SLC38A9: variants seen among roughly 807,000 people sequenced by gnomAD.
SLC38A9 encodes solute carrier family 38 member 9.
A neutral mutation model predicts 62.3 loss-of-function variants in SLC38A9; 48 were observed. The ratio of observed to expected loss-of-function variants is 0.77; its 90% CI spans 0.61 to 0.98. SLC38A9 has a LOEUF of 0.98. SLC38A9 is among the 50% of genes least tolerant of loss of function. The pLI is 0.00. For synonymous variants in SLC38A9, 204 were observed against 227.7 expected, an observed-to-expected ratio of 0.90 and a Z score of 0.94; for missense variants, 541 against 679.8, an observed-to-expected ratio of 0.80 and a Z score of 2.27.
At chr5:55,697,428 C>A (rs1368360579) in intron 3 of SLC38A9, among the ~76,000 whole-genome samples, 2 of 151,974 alleles carry the variant, frequency 1.3e-5, no homozygotes, top group African/African-American at 4.8e-5. Context: ...TACAGGTATA[C>A]AATGAAATAA....
At chr5:55,649,709 C>T (rs1281723040) in intron 10 of SLC38A9, among the ~76,000 whole-genome samples, 1 of 152,110 alleles carries the variant, frequency 6.6e-6, no homozygotes, top group East Asian at 1.9e-4. Context: ...ATAATCACAG[C>T]TACTCGGGAG....
chr5:55,685,657 G>A (rs978180643), intron 3 of SLC38A9, among the ~76,000 whole-genome samples: 29 of 152,012 alleles, frequency 1.9e-4, no homozygotes, highest in Admixed American at 1.2e-3. Context: ...AGGGTTACAC[G>A]TGCAGGATGT....
chr5:55,692,403 G>C (rs1446993996), intron 3 of SLC38A9, among the ~76,000 whole-genome samples: 1 of 152,166 alleles, frequency 6.6e-6, no homozygotes, highest in Non-Finnish European at 1.5e-5. Context: ...TTTTCCCACA[G>C]TGTAGATGAG....
rs554071209 is a variant in SLC38A9 at position 55,711,446 on chromosome 5, G to A, written c.-35+6C>T. 1 of 152,350 alleles carries A rather than the reference G, an allele frequency of 6.6e-6. No individual in the cohort carries two copies. The highest frequency in any genetic ancestry group is 6.5e-5 in the Admixed American group (1 of 15,306). 9.4% of individuals were successfully genotyped at this position (152,350 alleles called of 1,614,324 possible). The stretch of plus-strand genomic sequence containing the variant: ...GTGTTGGTCGAGTTTGCCATTAAAT[G>A]GTTACCTGGTGTTGAGTAGGTTTCT... On this transcript the variant is annotated splice_donor_region_variant and intron_variant, in intron 2 of 15. Coordinates refer to ENST00000396865, the MANE Select transcript of SLC38A9 (RefSeq NM_173514.4).
chr5:55,652,531 AG>A lies in SLC38A9; in HGVS notation c.949del (p.Leu317Ter). ...SPSFFSKFNI[L>X]GTVSVLYLIF... is the part of the protein sequence containing the mutation. ...CATAATTCAGTGCTACTACTTACCT[AG>A]GATATTAAATTTTGAAAAAAATGAA... On this transcript the variant is annotated frameshift_variant, in exon 10 of 16. Transcript: ENST00000396865. LOFTEE classifies it high-confidence loss of function. 1.3e-6 allele frequency: 2 copies of A among 1,591,586 alleles called. No individual in the cohort carries two copies. The highest frequency in any genetic ancestry group is 1.7e-6 in the Non-Finnish European group (2 of 1,166,656).
intron 3 of SLC38A9, chr5:55,693,035 C>T: frequency 2.6e-5 from 26 of 981,616 alleles, no homozygotes; most frequent in Non-Finnish European, 3.1e-5. Context: ...TAGCTTAAAC[C>T]AACCATCTTT....
At chr5:55,681,114 T>G (rs1298129290) in intron 3 of SLC38A9, among the ~76,000 whole-genome samples, 1 of 152,250 alleles carries the variant, frequency 6.6e-6, no homozygotes, top group African/African-American at 2.4e-5. Context: ...ACAATCTTTC[T>G]AGAAAGCAAT....
chr5:55,700,317 G>C (rs1469502576), intron 2 of SLC38A9, among the ~76,000 whole-genome samples: 1 of 146,920 alleles, frequency 6.8e-6, no homozygotes, highest in Non-Finnish European at 1.5e-5. Flanking sequence ...CTCCAGCCTG[G>C]TTGTCACAGA....
At chr5:55,657,783 G>C (rs946613347) in intron 8 of SLC38A9, among the ~76,000 whole-genome samples, 1 of 152,230 alleles carries the variant, frequency 6.6e-6, no homozygotes, top group Middle Eastern at 3.4e-3. Flanking sequence ...AAAGGTGCTG[G>C]GTTAGGTTTT....
chr5:55,647,187 A>ATT (rs535424235), intron 11 of SLC38A9, among the ~76,000 whole-genome samples: 7 of 94,640 alleles, frequency 7.4e-5, no homozygotes, highest in Middle Eastern at 5.4e-3. Flanking sequence ...TTTATTTTTT[A>ATT]TTTTTTTTTG....
At chr5:55,687,065 G>GTTTTTTTTT (rs56912932) in intron 3 of SLC38A9, among the ~76,000 whole-genome samples, 5 of 125,716 alleles carry the variant, frequency 4.0e-5, no homozygotes, top group African/African-American at 9.5e-5. Context: ...CTCCAGCTTT[G>GTTTTTTTTT]TTTTTTTTTT....
intron 12 of SLC38A9, among the ~76,000 whole-genome samples, chr5:55,640,844 A>C (rs73125604): frequency 0.049 from 7,437 of 152,248 alleles, 311 homozygotes; most frequent in African/African-American, 0.11. Flanking sequence ...AAATATGTAT[A>C]TATATTTTTG....
At chr5:55,694,233 A>G in intron 3 of SLC38A9, 1 of 240,838 alleles carries the variant, frequency 4.2e-6, no homozygotes. Flanking sequence ...AATCACTGTC[A>G]GCAAGTGACA....
chr5:55,670,892 AT>A (rs537691969), intron 4 of SLC38A9, among the ~76,000 whole-genome samples: 44 of 152,192 alleles, frequency 2.9e-4, no homozygotes, highest in Non-Finnish European at 5.7e-4. Flanking sequence ...CGAAAAAAAA[AT>A]TGGGAAAAAA....
intron 2 of SLC38A9, chr5:55,702,964 G>GT (rs1344572958): frequency 6.6e-6 from 1 of 151,980 alleles, no homozygotes; most frequent in African/African-American, 2.4e-5. Flanking sequence ...TTAAAAAAAA[G>GT]TAAAACCAAA....
intron 2 of SLC38A9, among the ~76,000 whole-genome samples, chr5:55,698,580 T>C (rs1263479289): frequency 6.6e-6 from 1 of 152,020 alleles, no homozygotes; most frequent in Non-Finnish European, 1.5e-5. Context: ...GCAATAAGAG[T>C]AAGGTTTAAC....
chr5:55,661,098 TA>T (rs1217897208), intron 8 of SLC38A9, among the ~76,000 whole-genome samples: 157 of 152,224 alleles, frequency 1.0e-3, no homozygotes, highest in African/African-American at 3.6e-3. Flanking sequence ...AAATTTTTTT[TA>T]AAGACCTAAA....
At chr5:55,646,077 A>G (rs935369369) in intron 11 of SLC38A9, among the ~76,000 whole-genome samples, 182 bp from the exon 12 acceptor site, 70 of 152,244 alleles carry the variant, frequency 4.6e-4, no homozygotes, top group African/African-American at 1.6e-3. Flanking sequence ...CAAAAGGGGG[A>G]AAAAAAGGTA....
Position 55,672,703 on chromosome 5 carries a change from G to T in SLC38A9, c.114-8C>A. 1 of 1,609,210 alleles carries T rather than the reference G, an allele frequency of 6.2e-7. No individual in the cohort carries two copies. On this transcript the variant is annotated splice_polypyrimidine_tract_variant and splice_region_variant and intron_variant, in intron 3 of 15. Transcript: ENST00000396865. ...GGCTCTATACAGAAAGGCCTACAAAGGGAATATACACTTGACAAAAAGTGT... is the reference window on the plus strand; with the variant it reads ...GGCTCTATACAGAAAGGCCTACAAATGGAATATACACTTGACAAAAAGTGT...
Sources: gnomAD v4.1 joint callset for allele counts (sites outside exome capture counted in the v4.1 genomes callset) on GRCh38, gnomAD v4.1.1 for gene constraint, MANE v1.5 for transcripts, NCBI Gene and HGNC (gene_info 2026-07-23, HGNC 2026-07-21) for gene names.